Variants in PTCD1 observed in about 807,000 individuals in gnomAD.
The protein encoded by PTCD1 is pentatricopeptide repeat domain 1.
In PTCD1, 50 loss-of-function variants were observed where a neutral mutation model predicts 53.4. The observed-to-expected ratio is 0.94, with a 90% CI of 0.75 to 1.19. PTCD1 has a LOEUF of 1.19. PTCD1 is among the 50% of genes most tolerant of loss of function. The pLI, the probability that PTCD1 is intolerant of heterozygous loss-of-function variation, is 0.00. For synonymous variants in PTCD1, 413 were observed against 394.8 expected (o/e 1.05, Z -0.55); for missense variants, 918 against 904.8 (o/e 1.01, Z -0.19).
Position 99,418,629 on chromosome 7 carries a change from G to A in PTCD1, c.*1338C>T, listed in dbSNP as rs1795645255. 1 of 152,708 alleles carries A rather than the reference G, an allele frequency of 6.5e-6. No individual in the cohort carries two copies. The highest frequency in any genetic ancestry group is 1.5e-5 in the Non-Finnish European group (1 of 68,402). The allele number at this position is 152,708 out of a possible 1,614,324, so 9.5% of individuals were successfully genotyped here. The stretch of plus-strand genomic sequence containing the variant: ...GGGCCGCCTCCCCGACGGAAGACTG[G>A]GGTGTTGGTTTTCTGATGGAGGCAG... On this transcript the variant is annotated 3_prime_UTR_variant, in exon 8 of 8. Transcript: ENST00000292478.
intron 6 of PTCD1, among the ~76,000 whole-genome samples, chr7:99,424,182 A>G (rs879632833): frequency 6.6e-6 from 1 of 152,216 alleles, no homozygotes; most frequent in Non-Finnish European, 1.5e-5. Flanking sequence ...TGCTGCTCTC[A>G]GACACCGACT....
chr7:99,417,455 G>A lies in PTCD1; in HGVS notation c.*2512C>T, dbSNP rs759355279. The A allele has an allele frequency of 1.2e-6, 2 of 1,613,646 alleles. No individual in the cohort carries two copies. Among genetic ancestry groups the A allele is most frequent in the Non-Finnish European group, 1.7e-6 (2 of 1,179,846 alleles). ...ACTCTATGAATATTGTATTAAAGAA[G>A]GCTATGCAGACAAAAACCTGATTGC... On this transcript the variant is annotated 3_prime_UTR_variant, in exon 8 of 8. Transcript: ENST00000292478.
intron 3 of PTCD1, among the ~76,000 whole-genome samples, chr7:99,431,631 C>T (rs770356927): frequency 2.6e-5 from 4 of 152,078 alleles, no homozygotes; most frequent in Non-Finnish European, 5.9e-5. Flanking sequence ...GTCCCAGCTA[C>T]TCGGGAGGCT....
In PTCD1 at chr7:99,429,782, A is replaced by C; in HGVS notation, c.619T>G (p.Ser207Ala). 1 of 1,614,100 alleles carries C rather than the reference A, an allele frequency of 6.2e-7. No individual in the cohort carries two copies. Among genetic ancestry groups the C allele is most frequent in the Non-Finnish European group, 8.5e-7 (1 of 1,180,024 alleles). Residue 207 changes from serine (S) to alanine (A), a missense_variant, in exon 4 of 8, where the codon TCG becomes GCG. Ser to Ala is a moderately conservative substitution (Grantham distance 99). Coordinates refer to ENST00000292478, the MANE Select transcript of PTCD1 (RefSeq NM_015545.4). Reference protein sequence around the residue: ...NQMKKRDLEPSDATYTALFNV... With the variant: ...NQMKKRDLEPADATYTALFNV... Reference sequence around the variant, plus strand: ...AACAGGGCCGTGTAGGTGGCGTCCGAGGGCTCCAGGTCCCGCTTTTTCATC... The same window carrying C: ...AACAGGGCCGTGTAGGTGGCGTCCGCGGGCTCCAGGTCCCGCTTTTTCATC...
At position 99,416,780 on chromosome 7, in the gene PTCD1, GTGCAATGATGGCTCAC is replaced by G. The variant is rs1334906771; in HGVS notation, c.*3171_*3186del. The G allele has an allele frequency of 6.4e-6, 1 of 155,652 alleles. No homozygotes were observed. Among genetic ancestry groups the G allele is most frequent in the Non-Finnish European group, 1.4e-5 (1 of 71,430 alleles). The allele number at this position is 155,652 out of a possible 1,614,324, so 9.6% of individuals were successfully genotyped here. On this transcript the variant is annotated 3_prime_UTR_variant, in exon 8 of 8. Transcript: ENST00000292478. ...CTGTTCCACAGGCTGGAGTGCAGTG[GTGCAATGATGGCTCAC>G]TGCAGCCTCAACCTTCTGGGCTCAA...
chr7:99,426,735 G>T (rs1447587903), intron 5 of PTCD1, among the ~76,000 whole-genome samples: 3 of 151,064 alleles, frequency 2.0e-5, no homozygotes, highest in African/African-American at 4.9e-5. Flanking sequence ...AGTGAGGAGC[G>T]CCTCTTCCCG....
intron 3 of PTCD1, 100 bp downstream of exon 3, chr7:99,433,178 G>A: frequency 6.3e-7 from 1 of 1,577,942 alleles, no homozygotes; most frequent in Non-Finnish European, 8.7e-7. Flanking sequence ...CCAGGGAGGT[G>A]AAGTCACCTG....
In PTCD1 at chr7:99,425,252, G is replaced by A; in HGVS notation, c.1280C>T (p.Thr427Ile). The change falls in exon 6 of 8, where the codon ACC (threonine) becomes ATC (isoleucine). Residue 427 changes from threonine to isoleucine, a missense_variant. By Grantham distance (89) the Thr-to-Ile change is moderately conservative. Coordinates refer to ENST00000292478, the MANE Select transcript of PTCD1 (RefSeq NM_015545.4). ...GGGAGGTGGCTTCAGGGCCACTGCGGTGAGGGCTGCTGTGTGGCTGGGCTC... is the reference window on the plus strand; with the variant it reads ...GGGAGGTGGCTTCAGGGCCACTGCGATGAGGGCTGCTGTGTGGCTGGGCTC... ...KAEPSHTAAL[T>I]AVALKPPPVE... 6.2e-7 allele frequency: 1 copy of A among 1,612,828 alleles called. No homozygotes were observed. The highest frequency in any genetic ancestry group is 8.5e-7 in the Non-Finnish European group (1 of 1,179,096).
At chr7:99,423,591 G>A (rs1795909079) in intron 7 of PTCD1, among the ~76,000 whole-genome samples, 184 bp downstream of exon 7, 1 of 152,164 alleles carries the variant, frequency 6.6e-6, no homozygotes, top group Admixed American at 6.5e-5. Flanking sequence ...GACATGAGAT[G>A]AGCCACGCAG....
At chr7:99,437,828 C>G (rs4729537) in intron 1 of PTCD1, among the ~76,000 whole-genome samples, 2 of 152,064 alleles carry the variant, frequency 1.3e-5, no homozygotes, top group African/African-American at 4.8e-5. Context: ...CTACTCCAGG[C>G]CAATTTTTAT....
chr7:99,417,100 A>T lies in PTCD1; in HGVS notation c.*2867T>A. 1 of 241,100 alleles carries T rather than the reference A, an allele frequency of 4.1e-6. No homozygotes were observed. The highest frequency in any genetic ancestry group is 8.2e-6 in the Non-Finnish European group (1 of 121,698). 14.9% of individuals were successfully genotyped at this position (241,100 alleles called of 1,614,324 possible). A position where few individuals can be genotyped will look rare whatever the true frequency, so the allele number is the denominator to read the frequency against. On this transcript the variant is annotated 3_prime_UTR_variant, in exon 8 of 8. Transcript: ENST00000292478. ...TTGAGATGGAGTTTCGCTGTCACCC[A>T]GGCTGGAGTCCAGTGGCACGACCTC... is the stretch of plus-strand genomic sequence containing the variant.
rs767443647 is a variant in PTCD1 at position 99,434,910 on chromosome 7, G to T, written c.333C>A (p.Asn111Lys). The part of the protein sequence containing the change: ...LFRKSAAQFH[N>K]LRFGERRDEQ... ...CATCTCTCCGTTCCCCAAACCGCAG[G>T]TTATGGAACTGGGCTGCGGATTTGC... Residue 111 changes from asparagine (N) to lysine (K), a missense_variant, in exon 2 of 8, where the codon AAC (asparagine) becomes AAA (lysine). Physicochemically the swap from Asn to Lys is moderately conservative, Grantham distance 94. Coordinates refer to ENST00000292478, the MANE Select transcript of PTCD1 (RefSeq NM_015545.4). 2 of 1,614,230 alleles carry T rather than the reference G, an allele frequency of 1.2e-6. No individual in the cohort carries two copies. The highest frequency in any genetic ancestry group is 2.2e-5 in the South Asian group (2 of 91,090).
chr7:99,419,977 C>T lies in PTCD1; in HGVS notation c.2093G>A (p.Gly698Glu). The T allele has an allele frequency of 1.2e-6, 2 of 1,614,236 alleles. No individual in the cohort carries two copies. The highest frequency in any genetic ancestry group is 1.1e-5 in the South Asian group (1 of 91,086). Residue 698 changes from glycine to glutamate, a missense_variant, in exon 8 of 8, where the codon GGG becomes GAG. Transcript: ENST00000292478. ...GKEADDGCALGGR is the reference protein window; with the variant it reads ...GKEADDGCALEGR ...CCAGCTGTGCTCCCATCACCTGCCC[C>T]CAAGGGCACATCCGTCATCAGCCTC...
rs1795640302 is a variant in PTCD1 at position 99,418,591 on chromosome 7, T to G, written c.*1376A>C. The G allele has an allele frequency of 6.5e-6, 1 of 152,710 alleles. No homozygotes were observed. The highest frequency in any genetic ancestry group is 6.5e-5 in the Admixed American group (1 of 15,292). The allele number at this position is 152,710 out of a possible 1,614,324, so 9.5% of individuals were successfully genotyped here. On this transcript the variant is annotated 3_prime_UTR_variant, in exon 8 of 8. Transcript: ENST00000292478. ...TGCTGAGGACTTGGGTACTGAGCAG[T>G]GGGGGCGAGCAAGGGCCGCCTCCCC...
At chr7:99,431,304 A>G (rs933436268) in intron 3 of PTCD1, among the ~76,000 whole-genome samples, 1 of 151,526 alleles carries the variant, frequency 6.6e-6, no homozygotes, top group East Asian at 2.0e-4. Flanking sequence ...TAAATTTTGT[A>G]TTTTTAGTAG....
rs1291747545 is a variant in PTCD1, at chr7:99,418,071, G to A, written c.*1896C>T. Reference sequence around the variant, plus strand: ...CAACCTCCACCTCCCGGGTTCAAGCGGTTCTCCTGCCTCATCCTCCTGAGT... The same window carrying A: ...CAACCTCCACCTCCCGGGTTCAAGCAGTTCTCCTGCCTCATCCTCCTGAGT... On this transcript the variant is annotated 3_prime_UTR_variant, in exon 8 of 8. Coordinates refer to ENST00000292478, the MANE Select transcript of PTCD1 (RefSeq NM_015545.4). 14 of 888,504 alleles carry A rather than the reference G, an allele frequency of 1.6e-5. No homozygotes were observed. Among genetic ancestry groups the A allele is most frequent in the South Asian group, 7.7e-5 (3 of 39,006 alleles). 55.0% of individuals were successfully genotyped at this position (888,504 alleles called of 1,614,324 possible). A position where few individuals can be genotyped will look rare whatever the true frequency, so the allele number is the denominator to read the frequency against.
intron 6 of PTCD1, 119 bp downstream of exon 6, chr7:99,424,676 C>T (rs1034896671): frequency 4.4e-5 from 60 of 1,351,364 alleles, no homozygotes; most frequent in Non-Finnish European, 5.4e-5. Context: ...ACTCTCTTTG[C>T]CCCATGCACA....
chr7:99,428,531 C>T (rs1389643959), intron 5 of PTCD1, among the ~76,000 whole-genome samples: 1 of 151,642 alleles, frequency 6.6e-6, no homozygotes, highest in Non-Finnish European at 1.5e-5. Context: ...CACATGAGGC[C>T]AGGAGTTCAA....
At position 99,417,363 on chromosome 7, in the gene PTCD1, T is replaced by C. The variant is rs1215872312; in HGVS notation, c.*2604A>G. ...CCACTGCACCCGGCCTGAATGCTTT[T>C]TTTGATCAAGGGTGGGGAAGGTTTT... is the stretch of plus-strand genomic sequence containing the variant. On this transcript the variant is annotated 3_prime_UTR_variant, in exon 8 of 8. Coordinates refer to ENST00000292478, the MANE Select transcript of PTCD1 (RefSeq NM_015545.4). 14 of 1,561,178 alleles carry C rather than the reference T, an allele frequency of 9.0e-6. No individual in the cohort carries two copies. Among genetic ancestry groups the C allele is most frequent in the Non-Finnish European group, 1.1e-5 (13 of 1,134,402 alleles).
Sources: allele counts gnomAD v4.1 joint callset (sites outside exome capture counted in the v4.1 genomes callset), GRCh38; gene constraint gnomAD v4.1.1; transcripts MANE v1.5; gene names NCBI Gene and HGNC (gene_info 2026-07-23, HGNC 2026-07-21).